DDB1: variants seen among roughly 807,000 people sequenced by gnomAD.
DDB1 encodes DNA damage-binding protein 1.
In DDB1, 18 loss-of-function variants were observed where a neutral mutation model predicts 133.1. The ratio of observed to expected loss-of-function variants is 0.14; its 90% CI spans 0.09 to 0.20. DDB1 has a LOEUF of 0.20. DDB1 is among the 10% of genes least tolerant of loss of function. The pLI, the probability that DDB1 is intolerant of heterozygous loss-of-function variation, is 1.00. For missense variants in DDB1, 828 were observed against 1,459.2 expected (o/e 0.57, Z 7.05); for synonymous variants, 580 against 550.5 (o/e 1.05, Z -0.75).
chr11:61,316,633 C>G, intron 10 of DDB1, 66 bp from the exon 11 acceptor site: 2 of 1,517,712 alleles, frequency 1.3e-6, no homozygotes, highest in Non-Finnish European at 1.8e-6. Flanking sequence ...TATCTACGGA[C>G]AGGGCAGGCC....
chr11:61,308,077 T>C (rs1386590713), intron 21 of DDB1, among the ~76,000 whole-genome samples: 2 of 152,202 alleles, frequency 1.3e-5, no homozygotes, highest in African/African-American at 4.8e-5. Flanking sequence ...AGTTCAATCA[T>C]GTTCAAACCC....
chr11:61,304,152 G>C, intron 21 of DDB1, 117 bp from the exon 22 acceptor site: 1 of 1,147,102 alleles, frequency 8.7e-7, no homozygotes, highest in Non-Finnish European at 1.2e-6. Context: ...TGCGGGACAG[G>C]AAACGGTTTT....
chr11:61,333,042 G>GC lies in DDB1; in HGVS notation c.-75dup. 7 of 1,344,200 alleles carry GC rather than the reference G, an allele frequency of 5.2e-6. No homozygotes were observed. The highest frequency in any genetic ancestry group is 1.5e-5 in the South Asian group (1 of 67,098). The allele number at this position is 1,344,200 out of a possible 1,614,324, so 83.3% of individuals were successfully genotyped here. A position where few individuals can be genotyped will look rare whatever the true frequency, so the allele number is the denominator to read the frequency against. On this transcript the variant is annotated 5_prime_UTR_variant, in exon 1 of 27. Coordinates refer to ENST00000301764, the MANE Select transcript of DDB1 (RefSeq NM_001923.5). ...AGGGACACAAGCGAAAAGACAGGTG[G>GC]CCCCCAACAGCGCGCAGCGAACTCC...
rs992454973 is a variant in DDB1, at chr11:61,311,876, C to G, written c.2185G>C (p.Val729Leu). ...ESPRKICYQE[V>L]SQCFGVLSSR... ...GAGAGGACCCCGAAACACTGGGACA[C>G]TTCCTGGTAGCAGATCTTCCTGCAG... The change falls in exon 18 of 27, where the codon GTG (valine) becomes CTG (leucine). Residue 729 changes from valine to leucine, a missense_variant. Coordinates refer to ENST00000301764, the MANE Select transcript of DDB1 (RefSeq NM_001923.5). 6.2e-7 allele frequency: 1 copy of G among 1,614,106 alleles called. No individual in the cohort carries two copies. Among genetic ancestry groups the G allele is most frequent in the South Asian group, 1.1e-5 (1 of 91,094 alleles).
At chr11:61,310,711 C>T (rs1230729155) in intron 18 of DDB1, 1 of 235,008 alleles carries the variant, frequency 4.3e-6, no homozygotes, top group African/African-American at 2.3e-5. Context: ...ACTCCACTAC[C>T]CTCAATGGGA....
At chr11:61,326,255 C>T in intron 5 of DDB1, 1 of 220,282 alleles carries the variant, frequency 4.5e-6, no homozygotes, top group Non-Finnish European at 9.0e-6. Flanking sequence ...GTCCCTCTGG[C>T]CCTGTTTCTT....
chr11:61,317,137 C>T (rs1459906403), intron 10 of DDB1, among the ~76,000 whole-genome samples: 5 of 151,462 alleles, frequency 3.3e-5, no homozygotes, highest in African/African-American at 9.7e-5. Flanking sequence ...TTTTTTGAGA[C>T]GGAGTCTCGC....
At chr11:61,307,160 GCAGCAGTGTTTCC>G (rs1346413936) in intron 21 of DDB1, among the ~76,000 whole-genome samples, 2 of 152,226 alleles carry the variant, frequency 1.3e-5, no homozygotes, top group Admixed American at 6.5e-5. Flanking sequence ...TAGAAAACAT[GCAGCAGTGTTTCC>G]CAGCTTGAAA....
At chr11:61,323,952 T>C (rs1856227418) in intron 7 of DDB1, 27 bp downstream of exon 7, 12 of 1,613,618 alleles carry the variant, frequency 7.4e-6, no homozygotes, top group Non-Finnish European at 9.3e-6. Context: ...AAGAACATTG[T>C]AGAGGAACAG....
At chr11:61,312,216 G>A (rs778614939) in intron 16 of DDB1, 132 bp from the exon 17 acceptor site, 5 of 727,926 alleles carry the variant, frequency 6.9e-6, no homozygotes, top group Non-Finnish European at 1.2e-5. Flanking sequence ...ATCACCTGGA[G>A]AGACAGACAA....
intron 26 of DDB1, among the ~76,000 whole-genome samples, chr11:61,300,603 C>G (rs1321055081): frequency 1.3e-5 from 2 of 152,250 alleles, no homozygotes; most frequent in Non-Finnish European, 2.9e-5. Flanking sequence ...GTTACTAGCA[C>G]AGCATCTGGT....
At chr11:61,325,449 T>A (rs1856253422) in intron 6 of DDB1, among the ~76,000 whole-genome samples, 162 bp downstream of exon 6, 1 of 152,194 alleles carries the variant, frequency 6.6e-6, no homozygotes, top group African/African-American at 2.4e-5. Context: ...TCCAGGCTAA[T>A]CTCTCTCTGT....
chr11:61,315,158 C>A (rs543378427), intron 12 of DDB1: 2 of 152,092 alleles, frequency 1.3e-5, no homozygotes, highest in African/African-American at 2.4e-5. Context: ...TTTTCTCAAC[C>A]CCCAAATCAG....
intron 18 of DDB1, chr11:61,310,733 G>T: frequency 4.9e-6 from 1 of 205,800 alleles, no homozygotes. Flanking sequence ...GAGGAGGGGG[G>T]CACTTCAAAT....
At chr11:61,332,503 C>G (rs2134948206) in intron 1 of DDB1, 1 of 169,704 alleles carries the variant, frequency 5.9e-6, no homozygotes, top group South Asian at 1.9e-4. Context: ...CCTCACATCC[C>G]TCCACCTCCT....
At position 61,329,360 on chromosome 11, in the gene DDB1, T is replaced by C; in HGVS notation, c.549+3A>G. On this transcript the variant is annotated splice_donor_region_variant and intron_variant, in intron 4 of 26. Transcript: ENST00000301764. ...TTCTCGCTCTCTCTTCCTGATCCAG[T>C]ACCTGGTAGACAAAGCAAATAGTAG... is the stretch of plus-strand genomic sequence containing the variant. 1 of 1,613,934 alleles carries C rather than the reference T, an allele frequency of 6.2e-7. No homozygotes were observed. Among genetic ancestry groups the C allele is most frequent in the South Asian group, 1.1e-5 (1 of 90,998 alleles).
In DDB1 at chr11:61,299,554, C is replaced by T. The variant is rs1266272669; in HGVS notation, c.*582G>A. ...AAGGCAGTTTGCAGAGACAAAAGGG[C>T]TGTGGCGTGGGGATCATCCACCATC... is the stretch of plus-strand genomic sequence containing the variant. On this transcript the variant is annotated 3_prime_UTR_variant, in exon 27 of 27. Transcript: ENST00000301764. 6.5e-6 allele frequency: 1 copy of T among 152,862 alleles called. No homozygotes were observed. The highest frequency in any genetic ancestry group is 2.4e-5 in the African/African-American group (1 of 41,438). The allele number at this position is 152,862 out of a possible 1,614,324, so 9.5% of individuals were successfully genotyped here.
chr11:61,299,798 C>T lies in DDB1; in HGVS notation c.*338G>A, dbSNP rs1030025388. The T allele has an allele frequency of 4.8e-5, 14 of 289,046 alleles. No homozygotes were observed. The highest frequency in any genetic ancestry group is 2.9e-4 in the African/African-American group (13 of 45,340). The allele number at this position is 289,046 out of a possible 1,614,324, so 17.9% of individuals were successfully genotyped here. ...AGATACACATACACACACACACATA[C>T]ACACACACACACGCACAGCTTCCTT... On this transcript the variant is annotated 3_prime_UTR_variant, in exon 27 of 27. Coordinates refer to ENST00000301764, the MANE Select transcript of DDB1 (RefSeq NM_001923.5).
chr11:61,332,716 C>G, intron 1 of DDB1, 192 bp downstream of exon 1: 1 of 459,058 alleles, frequency 2.2e-6, no homozygotes, highest in Non-Finnish European at 3.8e-6. Flanking sequence ...AGAGCGGCTT[C>G]CAACCCCCAA....
Sources: gnomAD v4.1 joint callset for allele counts (sites outside exome capture counted in the v4.1 genomes callset) on GRCh38, gnomAD v4.1.1 for gene constraint, MANE v1.5 for transcripts, NCBI Gene and HGNC (gene_info 2026-07-23, HGNC 2026-07-21) for gene names.